Variants in NAPA observed in about 807,000 individuals in gnomAD.
NAPA encodes NSF attachment protein alpha.
Under a neutral mutation model 48.0 loss-of-function variants are expected in NAPA, and 18 were observed. That is an observed-to-expected ratio of 0.38 (90% CI 0.26 to 0.56). The LOEUF (loss-of-function observed/expected upper bound fraction) is 0.56, where lower values mean the gene tolerates loss of function less well. NAPA is among the 20% of genes least tolerant of loss of function. The probability of loss-of-function intolerance (pLI) is 0.77; values close to 1 mark genes in which losing one functional copy is unlikely to be tolerated. For synonymous variants in NAPA, 152 were observed against 149.9 expected, an observed-to-expected ratio of 1.01 and a Z score of -0.10; for missense variants, 315 against 385.0, an observed-to-expected ratio of 0.82 and a Z score of 1.52.
In NAPA at chr19:47,492,947, C is replaced by T; in HGVS notation, c.561+14G>A. ...GGGGGCAGGGTGGAAGCCGCCATCC[C>T]CACCTGTCCCCACCTGTTCGTAGAT... is the stretch of plus-strand genomic sequence containing the variant. On this transcript the variant is annotated intron_variant, in intron 7 of 10. Coordinates refer to ENST00000263354, the MANE Select transcript of NAPA (RefSeq NM_003827.4). 6.2e-7 allele frequency: 1 copy of T among 1,613,904 alleles called. No individual in the cohort carries two copies. The highest frequency in any genetic ancestry group is 8.5e-7 in the Non-Finnish European group (1 of 1,179,836).
chr19:47,499,421 G>A (rs966851547), intron 3 of NAPA, among the ~76,000 whole-genome samples: 1 of 152,234 alleles, frequency 6.6e-6, no homozygotes, highest in South Asian at 2.1e-4. Flanking sequence ...AAGGCATGGA[G>A]ACTCCATGTG....
chr19:47,497,204 C>T lies in NAPA; in HGVS notation c.296-1608G>A, dbSNP rs930660391. On this transcript the variant is annotated intron_variant, in intron 3 of 10. Transcript: ENST00000263354. ...CCACATGGAGGCCCCGGGCTGCTCA[C>T]TGGTTCACTCTCCTGGCCGGAACAC... 24 of 183,222 alleles carry T rather than the reference C, an allele frequency of 1.3e-4. 1 individual carries two copies. The highest frequency in any genetic ancestry group is 1.2e-4 in the Non-Finnish European group (10 of 86,066). 11.3% of individuals were successfully genotyped at this position (183,222 alleles called of 1,614,324 possible). A position where few individuals can be genotyped will look rare whatever the true frequency, so the allele number is the denominator to read the frequency against.
chr19:47,493,617 G>C lies in NAPA; in HGVS notation c.343-124C>G. On this transcript the variant is annotated intron_variant, in intron 4 of 10. Transcript: ENST00000263354. This position sits in a 1 kb window ranked among gnomAD's most constrained non-coding sequence, Gnocchi z 6.4. ...CTGTGAGGAGGTATGAAGAAGACCTGAGGTGTGAAGAAGATCGAGAGGTGG... is the reference window on the plus strand; with the variant it reads ...CTGTGAGGAGGTATGAAGAAGACCTCAGGTGTGAAGAAGATCGAGAGGTGG... The C allele has an allele frequency of 1.3e-6, 1 of 795,956 alleles. No homozygotes were observed. The highest frequency in any genetic ancestry group is 2.5e-5 in the East Asian group (1 of 40,592). 49.3% of individuals were successfully genotyped at this position (795,956 alleles called of 1,614,324 possible).
At chr19:47,490,251 G>T (rs546020449) in intron 9 of NAPA, among the ~76,000 whole-genome samples, 359 of 142,766 alleles carry the variant, frequency 2.5e-3, no homozygotes, top group Middle Eastern at 0.011. Flanking sequence ...TTTGTGTGTG[G>T]GGGGGTGTGT....
Position 47,493,535 on chromosome 19 carries a change from T to A in NAPA, c.343-42A>T. 1 of 1,573,538 alleles carries A rather than the reference T, an allele frequency of 6.4e-7. No individual in the cohort carries two copies. Among genetic ancestry groups the A allele is most frequent in the Non-Finnish European group, 8.7e-7 (1 of 1,144,852 alleles). On this transcript the variant is annotated intron_variant, in intron 4 of 10. Transcript: ENST00000263354. This position sits in a 1 kb window ranked among gnomAD's most constrained non-coding sequence, Gnocchi z 6.4. ...AAGGGGCTGCCTGCGACTCATGACC[T>A]CCTGCGTGCCTGCCTGCTGACCTAT...
rs977769921 is a variant in NAPA, at chr19:47,491,022, C to G, written c.667-166G>C. On this transcript the variant is annotated intron_variant, in intron 8 of 10. Transcript: ENST00000263354. ...GGCTCTGTGTCTGTCAGTACCTTCC[C>G]GTAGCTGAGCTCAGCACCAGCCTGG... is the stretch of plus-strand genomic sequence containing the variant. 1.1e-5 allele frequency: 6 copies of G among 565,760 alleles called. No homozygotes were observed. In the Admixed American group the frequency reaches 1.3e-4, roughly 12 times the overall value. The allele number at this position is 565,760 out of a possible 1,614,324, so 35.0% of individuals were successfully genotyped here. A position where few individuals can be genotyped will look rare whatever the true frequency, so the allele number is the denominator to read the frequency against.
Position 47,493,570 on chromosome 19 carries a change from A to G in NAPA, c.343-77T>C. The stretch of plus-strand genomic sequence containing the variant: ...CTGCCTGCTGACCTATGACCCTTCA[A>G]GTTCCCACCCCTCAGCCACGCCTGT... On this transcript the variant is annotated intron_variant, in intron 4 of 10. Coordinates refer to ENST00000263354, the MANE Select transcript of NAPA (RefSeq NM_003827.4). This position sits in a 1 kb window ranked among gnomAD's most constrained non-coding sequence, Gnocchi z 6.4. 1.6e-6 allele frequency: 2 copies of G among 1,284,332 alleles called. No individual in the cohort carries two copies. The highest frequency in any genetic ancestry group is 2.3e-6 in the Non-Finnish European group (2 of 886,648). The allele number at this position is 1,284,332 out of a possible 1,614,324, so 79.6% of individuals were successfully genotyped here.
At position 47,493,415 on chromosome 19, in the gene NAPA, CCTT is replaced by C. The variant is rs1366084336; in HGVS notation, c.418_420del (p.Lys140del). ...CCATGCAGGGCCCTGCTGCCACTCA[CCTT>C]CTCGATGTCCACCAACTCTGTCTCA... On this transcript the variant is annotated inframe_deletion and splice_region_variant, in exon 5 of 11. Coordinates refer to ENST00000263354, the MANE Select transcript of NAPA (RefSeq NM_003827.4). This position sits in a 1 kb window ranked among gnomAD's most constrained non-coding sequence, Gnocchi z 6.4. 6.2e-7 allele frequency: 1 copy of C among 1,614,014 alleles called. No homozygotes were observed. Among genetic ancestry groups the C allele is most frequent in the Non-Finnish European group, 8.5e-7 (1 of 1,179,966 alleles).
intron 1 of NAPA, among the ~76,000 whole-genome samples, chr19:47,507,767 G>A (rs1226279328): frequency 6.6e-6 from 1 of 152,194 alleles, no homozygotes; most frequent in East Asian, 1.9e-4. Flanking sequence ...TCCCCTGGAA[G>A]GAGCCCACAG....
chr19:47,498,812 G>A (rs1364377315), intron 3 of NAPA, among the ~76,000 whole-genome samples: 2 of 152,160 alleles, frequency 1.3e-5, no homozygotes, highest in African/African-American at 2.4e-5. Flanking sequence ...GCTGGCGTGC[G>A]TATCTTTAGG....
chr19:47,492,156 G>A (rs775607569), intron 7 of NAPA, 37 bp from the exon 8 acceptor site: 3 of 1,582,318 alleles, frequency 1.9e-6, no homozygotes, highest in Admixed American at 3.4e-5. Flanking sequence ...TGAGCTCAGG[G>A]CAAGCAGCCA....
chr19:47,503,114 A>G (rs1045333197), intron 2 of NAPA, among the ~76,000 whole-genome samples: 1 of 152,254 alleles, frequency 6.6e-6, no homozygotes, highest in African/African-American at 2.4e-5. Flanking sequence ...GCACTAAGGA[A>G]GTTACCAGGA....
chr19:47,513,414 A>G (rs902376219), intron 1 of NAPA, among the ~76,000 whole-genome samples: 1 of 152,240 alleles, frequency 6.6e-6, no homozygotes, highest in Non-Finnish European at 1.5e-5. Context: ...GCCAGGCTCA[A>G]TTCTAACACT....
chr19:47,488,605 A>T, intron 10 of NAPA: 1 of 364,156 alleles, frequency 2.7e-6, no homozygotes, highest in Non-Finnish European at 4.9e-6. Context: ...GGGGAGAAAG[A>T]TATTGTAGCT....
At chr19:47,497,422 G>GTTAAGTCCCCTCCATTTC (rs1416247413) in intron 3 of NAPA, 1 of 152,548 alleles carries the variant, frequency 6.6e-6, no homozygotes, top group Non-Finnish European at 1.5e-5. Flanking sequence ...GACTCACGGG[G>GTTAAGTCCCCTCCATTTC]TTAAGTCCCC....
At chr19:47,501,582 G>A (rs184309928) in intron 2 of NAPA, 1 of 152,292 alleles carries the variant, frequency 6.6e-6, no homozygotes, top group African/African-American at 2.4e-5. Context: ...CAGCAAGAAT[G>A]AATACATGCA....
intron 4 of NAPA, among the ~76,000 whole-genome samples, chr19:47,494,757 A>AG (rs1555758024): frequency 1.3e-4 from 19 of 145,808 alleles, no homozygotes; most frequent in South Asian, 2.2e-4. Context: ...AAAAAAAAAA[A>AG]AGAGAGAGAG....
At chr19:47,490,757 G>T (rs762672590) in intron 9 of NAPA, 31 bp downstream of exon 9, 2 of 1,607,798 alleles carry the variant, frequency 1.2e-6, no homozygotes, top group South Asian at 2.2e-5. Flanking sequence ...TGAGGTTCGG[G>T]AAGGGGGAGG....
chr19:47,495,472 G>A, intron 4 of NAPA, 78 bp downstream of exon 4: 1 of 1,441,524 alleles, frequency 6.9e-7, no homozygotes, highest in South Asian at 1.1e-5. Flanking sequence ...ACAGTGCTGG[G>A]GGTGCTGAAA....
Sources: gnomAD v4.1 joint callset for allele counts (sites outside exome capture counted in the v4.1 genomes callset) on GRCh38, gnomAD v4.1.1 for gene constraint, Gnocchi (gnomAD v3.1) non-coding constraint, MANE v1.5 for transcripts, NCBI Gene and HGNC (gene_info 2026-07-23, HGNC 2026-07-21) for gene names.